Variants in SLC14A2 observed in about 807,000 individuals in gnomAD.
The protein encoded by SLC14A2 is urea transporter 2.
Under a neutral mutation model 104.6 loss-of-function variants are expected in SLC14A2, and 91 were observed. The observed-to-expected ratio is 0.87, with a 90% CI of 0.73 to 1.04. The LOEUF (loss-of-function observed/expected upper bound fraction) is 1.04, where lower values mean the gene tolerates loss of function less well. Among genes scored for constraint, SLC14A2 ranks in the 50% least tolerant of loss-of-function variants. The pLI is 0.00. For missense variants in SLC14A2, 1,189 were observed against 1,156.0 expected (o/e 1.03, Z -0.41); for synonymous variants, 476 against 466.4 (o/e 1.02, Z -0.27).
intron 1 of SLC14A2, among the ~76,000 whole-genome samples, chr18:45,439,345 T>A: frequency 6.6e-6 from 1 of 152,298 alleles, no homozygotes; most frequent in Middle Eastern, 3.4e-3. Flanking sequence ...TTAACTTAGA[T>A]ACTAACCTGG....
intron 2 of SLC14A2, among the ~76,000 whole-genome samples, chr18:45,580,304 A>T (rs145736166): frequency 2.2e-3 from 328 of 152,372 alleles, no homozygotes; most frequent in African/African-American, 7.7e-3. Flanking sequence ...TTTGAAAAAA[A>T]CAAATGTGGT....
intron 1 of SLC14A2, among the ~76,000 whole-genome samples, chr18:45,232,026 A>G (rs1294886470): frequency 2.0e-5 from 3 of 149,636 alleles, no homozygotes; most frequent in South Asian, 2.1e-4. Flanking sequence ...CTAAGAGTCC[A>G]TTGCAATAGT....
rs560494214 is a variant in SLC14A2 at position 45,621,176 on chromosome 18, T to C, written c.-34-3455T>C. On this transcript the variant is annotated intron_variant, in intron 1 of 19. Coordinates refer to ENST00000255226, the MANE Select transcript of SLC14A2 (RefSeq NM_007163.4). ...TTGGCCACCAGAGGGAGAGAGCGCA[T>C]TGGAGAGGAACAGGTTCTGGGGCTT... Among the ~76,000 whole-genome samples the C allele has an allele frequency of 7.9e-5, 12 of 152,256 alleles. No homozygotes were observed. In the East Asian group the frequency reaches 2.1e-3, roughly 27 times the overall value.
chr18:45,488,067 A>T (rs2087644491), intron 2 of SLC14A2, among the ~76,000 whole-genome samples: 1 of 152,218 alleles, frequency 6.6e-6, no homozygotes, highest in Admixed American at 6.5e-5. Context: ...CCTGATTACA[A>T]AGTGGTCCTA....
At chr18:45,541,563 G>T (rs2043883921) in intron 2 of SLC14A2, among the ~76,000 whole-genome samples, 1 of 152,230 alleles carries the variant, frequency 6.6e-6, no homozygotes, top group Non-Finnish European at 1.5e-5. Context: ...CACAGAAATG[G>T]CTTAACTTGG....
intron 1 of SLC14A2, among the ~76,000 whole-genome samples, chr18:45,394,217 A>G (rs1362838): frequency 0.44 from 66,277 of 152,062 alleles, 16,077 homozygotes; most frequent in Non-Finnish European, 0.55. Flanking sequence ...TGTTTTTCTC[A>G]TTCTTCTCTT....
chr18:45,476,604 C>T (rs1188938386), intron 1 of SLC14A2, among the ~76,000 whole-genome samples: 1 of 152,194 alleles, frequency 6.6e-6, no homozygotes, highest in Non-Finnish European at 1.5e-5. Context: ...CTCCCCATCA[C>T]TTTCAGGTAC....
chr18:45,574,484 G>A (rs1049675920), intron 2 of SLC14A2, among the ~76,000 whole-genome samples: 5 of 152,114 alleles, frequency 3.3e-5, no homozygotes, highest in East Asian at 1.9e-4. Flanking sequence ...TACAAAAACC[G>A]TCCCACCCTC....
chr18:45,219,292 T>G (rs1267180112), intron 1 of SLC14A2, among the ~76,000 whole-genome samples: 1 of 152,216 alleles, frequency 6.6e-6, no homozygotes, highest in African/African-American at 2.4e-5. Flanking sequence ...TTGTCTGCAT[T>G]TTTGTGAAAG....
chr18:45,621,552 A>G (rs1190324580), intron 1 of SLC14A2, among the ~76,000 whole-genome samples: 5 of 152,176 alleles, frequency 3.3e-5, no homozygotes, highest in African/African-American at 1.2e-4. Flanking sequence ...TTCCCTATCT[A>G]TCAGTCACCT....
At chr18:45,493,122 T>C (rs1033407277) in intron 2 of SLC14A2, 1 of 152,258 alleles carries the variant, frequency 6.6e-6, no homozygotes, top group Non-Finnish European at 1.5e-5. Context: ...CTCCCCCTGG[T>C]ATATGGCCAC....
intron 2 of SLC14A2, among the ~76,000 whole-genome samples, chr18:45,607,456 C>T (rs4890555): frequency 0.68 from 103,118 of 151,716 alleles, 35,547 homozygotes; most frequent in East Asian, 0.85. Flanking sequence ...GTACCTACCA[C>T]ATAGTTGGTA....
chr18:45,616,012 G>A (rs574053645), intron 1 of SLC14A2, among the ~76,000 whole-genome samples: 18 of 152,196 alleles, frequency 1.2e-4, no homozygotes, highest in Non-Finnish European at 2.6e-4. Context: ...CAATATTCGT[G>A]CATGTGGAAC....
rs139244311 is a variant in SLC14A2, at chr18:45,434,633, T to G, written c.-124-48600T>G. On this transcript the variant is annotated intron_variant, in intron 1 of 20. Coordinates refer to the SLC14A2 transcript ENST00000586448. ...ATCCCTGAATTGTTAGCAGGTTTAC[T>G]AACTGGCAGCCTGAAGGCAATCTAT... 3.3e-3 allele frequency among the ~76,000 whole-genome samples: 500 copies of G among 152,342 alleles called. 3 individuals are homozygous for G. Among genetic ancestry groups the G allele is most frequent in the African/African-American group, 0.011 (462 of 41,580 alleles).
intron 1 of SLC14A2, among the ~76,000 whole-genome samples, chr18:45,395,025 AG>A (rs1381373580): frequency 2.6e-5 from 4 of 151,990 alleles, no homozygotes; most frequent in Non-Finnish European, 1.5e-5. Context: ...AATTGAAATC[AG>A]GTGGGTACTG....
intron 1 of SLC14A2, among the ~76,000 whole-genome samples, chr18:45,337,832 T>C (rs1232456262): frequency 6.6e-6 from 1 of 152,204 alleles, no homozygotes; most frequent in African/African-American, 2.4e-5. Context: ...TATTTTGAAA[T>C]GGCCCTGCAA....
At chr18:45,400,436 A>G (rs188680721) in intron 1 of SLC14A2, among the ~76,000 whole-genome samples, 1 of 152,312 alleles carries the variant, frequency 6.6e-6, no homozygotes, top group East Asian at 1.9e-4. Context: ...TGTTCTTCTC[A>G]TTGGTATTCT....
intron 1 of SLC14A2, among the ~76,000 whole-genome samples, chr18:45,453,747 A>G (rs1598842158): frequency 6.6e-6 from 1 of 152,078 alleles, no homozygotes; most frequent in Admixed American, 6.5e-5. Context: ...TAGGGACTCA[A>G]ACATGCACAT....
chr18:45,547,384 C>T (rs1390190289), intron 2 of SLC14A2, among the ~76,000 whole-genome samples: 1 of 152,106 alleles, frequency 6.6e-6, no homozygotes, highest in Non-Finnish European at 1.5e-5. Flanking sequence ...AATGCCCTTC[C>T]AGTCTGTCTT....
Sources: gnomAD v4.1 joint callset for allele counts (sites outside exome capture counted in the v4.1 genomes callset) on GRCh38, gnomAD v4.1.1 for gene constraint, MANE v1.5 for transcripts, NCBI Gene and HGNC (gene_info 2026-07-23, HGNC 2026-07-21) for gene names.